The following RUNDC3A variants were observed in gnomAD, a reference collection of about 807,000 sequenced individuals.
RUNDC3A encodes the protein RUN domain containing 3A, also known as RUN domain-containing protein 3A.
In RUNDC3A, 28 loss-of-function variants were observed where a neutral mutation model predicts 53.9. The observed-to-expected ratio is 0.52, with a 90% CI of 0.38 to 0.71. The LOEUF (loss-of-function observed/expected upper bound fraction) is 0.71. Among genes scored for constraint, RUNDC3A ranks in the 30% least tolerant of loss-of-function variants. RUNDC3A has a pLI of 0.00. For missense variants in RUNDC3A, 491 were observed against 597.3 expected (o/e 0.82, Z 1.85); for synonymous variants, 232 against 249.4 (o/e 0.93, Z 0.66).
At chr17:44,310,379 C>T (rs1257509468) in intron 1 of RUNDC3A, among the ~76,000 whole-genome samples, 4 of 152,206 alleles carry the variant, frequency 2.6e-5, no homozygotes, top group African/African-American at 4.8e-5. Flanking sequence ...CTGCTGTCTA[C>T]CTGCTAGGTT....
At chr17:44,317,457 T>C (rs1402292198) in intron 10 of RUNDC3A, 1 of 780,766 alleles carries the variant, frequency 1.3e-6, no homozygotes, top group South Asian at 1.3e-5. Context: ...TGCCTGACCA[T>C]TGTTTCCCCC....
At chr17:44,313,082 C>A (rs1277516955) in intron 2 of RUNDC3A, 22 bp from the exon 3 acceptor site, 1 of 1,611,378 alleles carries the variant, frequency 6.2e-7, no homozygotes, top group East Asian at 2.2e-5. Flanking sequence ...TCTTGCTGAG[C>A]CCCCTCCCTG....
At position 44,318,448 on chromosome 17, in the gene RUNDC3A, G is replaced by A. The variant is rs1215348736; in HGVS notation, c.*210G>A. The A allele has an allele frequency of 3.3e-6, 2 of 598,048 alleles. No homozygotes were observed. The highest frequency in any genetic ancestry group is 2.2e-5 in the South Asian group (1 of 44,784). 37.0% of individuals were successfully genotyped at this position (598,048 alleles called of 1,614,324 possible). ...AGAAAGCACGCTGGGCCAGGAGGCA[G>A]GGGTGCCCAAGCCACAGGGAGCCCC... On this transcript the variant is annotated 3_prime_UTR_variant, in exon 11 of 11. Coordinates refer to ENST00000426726, the MANE Select transcript of RUNDC3A (RefSeq NM_001144825.2).
chr17:44,311,770 G>A (rs2047751716), intron 1 of RUNDC3A, among the ~76,000 whole-genome samples: 1 of 152,134 alleles, frequency 6.6e-6, no homozygotes, highest in Non-Finnish European at 1.5e-5. Flanking sequence ...TGGAGAGGGG[G>A]CACTGCATGG....
chr17:44,315,515 C>T lies in RUNDC3A; in HGVS notation c.859C>T (p.Arg287Trp). 2 of 1,518,708 alleles carry T rather than the reference C, an allele frequency of 1.3e-6. No individual in the cohort carries two copies. The highest frequency in any genetic ancestry group is 1.8e-6 in the Non-Finnish European group (2 of 1,133,794). The allele number at this position is 1,518,708 out of a possible 1,614,324, so 94.1% of individuals were successfully genotyped here. A position where few individuals can be genotyped will look rare whatever the true frequency, so the allele number is the denominator to read the frequency against. ...GCTGAAGGACCTGGAGGCGGAGAACCGGCGGCTTCAGCTGCAGCTGGAGGA... is the reference window on the plus strand; with the variant it reads ...GCTGAAGGACCTGGAGGCGGAGAACTGGCGGCTTCAGCTGCAGCTGGAGGA... ...SQLKDLEAEN[R>W]RLQLQLEEAA... The change falls in exon 8 of 11, where the codon CGG (arginine) becomes TGG (tryptophan). Residue 287 changes from arginine (R) to tryptophan (W), a missense_variant. By Grantham distance (101) the Arg-to-Trp change is moderately radical (BLOSUM62 -3). Coordinates refer to ENST00000426726, the MANE Select transcript of RUNDC3A (RefSeq NM_001144825.2). The surrounding 1 kb of genome is among the most constrained non-coding windows in gnomAD (Gnocchi z 6.1).
chr17:44,313,614 C>A, intron 4 of RUNDC3A, 111 bp downstream of exon 4: 1 of 1,459,408 alleles, frequency 6.9e-7, no homozygotes, highest in Admixed American at 2.4e-5. Context: ...GACTACAAGT[C>A]CCAGCACCAG....
chr17:44,312,595 G>A lies in RUNDC3A; in HGVS notation c.123G>A (p.Thr41=), dbSNP rs753459680. The A allele has an allele frequency of 2.5e-6, 4 of 1,571,650 alleles. No individual in the cohort carries two copies. Among genetic ancestry groups the A allele is most frequent in the South Asian group, 2.3e-5 (2 of 85,144 alleles). Residue 41 remains threonine, a synonymous_variant, in exon 2 of 11, where the codon ACG becomes ACA. Coordinates refer to ENST00000426726, the MANE Select transcript of RUNDC3A (RefSeq NM_001144825.2). ...CGCCGCCCAGGTTCTCTGTGAAAAC[G>A]CTGCTGGAGAAGTACACAGCGGAGC... ...LITVCRFSVK[T]LLEKYTAEPI... is the part of the protein sequence containing the mutation.
At position 44,316,418 on chromosome 17, in the gene RUNDC3A, G is replaced by A; in HGVS notation, c.987G>A (p.Leu329=). ...TGATCCCCAGTGACCACGCCCCTCT[G>A]GCCCAGGGTTCCAAGGAGCTCACTA... The part of the protein sequence containing the change: ...TGLIPSDHAP[L]AQGSKELTTP... Residue 329 remains leucine (L), a synonymous_variant, in exon 9 of 11, where the codon CTG becomes CTA. Coordinates refer to ENST00000426726, the MANE Select transcript of RUNDC3A (RefSeq NM_001144825.2). 1 of 1,613,726 alleles carries A rather than the reference G, an allele frequency of 6.2e-7. No individual in the cohort carries two copies. The highest frequency in any genetic ancestry group is 8.5e-7 in the Non-Finnish European group (1 of 1,179,820).
rs1157275838 is a variant in RUNDC3A at position 44,315,347 on chromosome 17, GCGGGCGGGC to G, written c.795+36_795+44del. ...TGCGCGACGCCGGCGGGCCCGGGGG[GCGGGCGGGC>G]CGGGCGGGGGATCCGGGCATCCCGG... On this transcript the variant is annotated intron_variant, in intron 7 of 10. Transcript: ENST00000426726. This position sits in a 1 kb window ranked among gnomAD's most constrained non-coding sequence, Gnocchi z 6.1. 8 of 1,337,900 alleles carry G rather than the reference GCGGGCGGGC, an allele frequency of 6.0e-6. No individual in the cohort carries two copies. Among genetic ancestry groups the G allele is most frequent in the Non-Finnish European group, 7.7e-6 (8 of 1,037,564 alleles). The allele number at this position is 1,337,900 out of a possible 1,614,324, so 82.9% of individuals were successfully genotyped here.
At chr17:44,317,012 G>A (rs1289379212) in intron 10 of RUNDC3A, 4 of 430,342 alleles carry the variant, frequency 9.3e-6, no homozygotes, top group Admixed American at 4.0e-5. Context: ...TAGTAGAGAC[G>A]CGCGGCTAAT....
At chr17:44,317,105 C>T (rs2047881859) in intron 10 of RUNDC3A, 2 of 390,330 alleles carry the variant, frequency 5.1e-6, no homozygotes, top group Admixed American at 4.1e-5. Context: ...CTTGGCCTCC[C>T]AAAGTGCTGG....
intron 4 of RUNDC3A, 97 bp downstream of exon 4, chr17:44,313,600 C>A (rs2047793350): frequency 6.7e-7 from 1 of 1,484,064 alleles, no homozygotes; most frequent in South Asian, 1.3e-5. Flanking sequence ...TCCTTCAGTT[C>A]CTGGACTACA....
chr17:44,318,449 G>T lies in RUNDC3A; in HGVS notation c.*211G>T, dbSNP rs949658387. 10 of 591,798 alleles carry T rather than the reference G, an allele frequency of 1.7e-5. No homozygotes were observed. Among genetic ancestry groups the T allele is most frequent in the Non-Finnish European group, 2.6e-5 (9 of 341,558 alleles). The allele number at this position is 591,798 out of a possible 1,614,324, so 36.7% of individuals were successfully genotyped here. A position where few individuals can be genotyped will look rare whatever the true frequency, so the allele number is the denominator to read the frequency against. ...GAAAGCACGCTGGGCCAGGAGGCAGGGGTGCCCAAGCCACAGGGAGCCCCT... is the reference window on the plus strand; with the variant it reads ...GAAAGCACGCTGGGCCAGGAGGCAGTGGTGCCCAAGCCACAGGGAGCCCCT... On this transcript the variant is annotated 3_prime_UTR_variant, in exon 11 of 11. Coordinates refer to ENST00000426726, the MANE Select transcript of RUNDC3A (RefSeq NM_001144825.2).
chr17:44,317,460 T>C (rs1409102011), intron 10 of RUNDC3A: 1 of 780,770 alleles, frequency 1.3e-6, no homozygotes, highest in African/African-American at 1.7e-5. Context: ...CTGACCATTG[T>C]TTCCCCCTTC....
Position 44,313,551 on chromosome 17 carries a change from C to T in RUNDC3A, c.458+48C>T, listed in dbSNP as rs368272215. On this transcript the variant is annotated intron_variant, in intron 4 of 10. Transcript: ENST00000426726. ...GACCACAGGTCTCAGAGTGCACCTG[C>T]ATTGCCCAAACACAGCTGATCCTTA... is the stretch of plus-strand genomic sequence containing the variant. 1.1e-4 allele frequency: 171 copies of T among 1,580,518 alleles called. No individual in the cohort carries two copies. In the African/African-American group the frequency reaches 2.2e-3, roughly 20 times the overall value.
Position 44,313,444 on chromosome 17 carries a change from G to A in RUNDC3A, c.399G>A (p.Leu133=). 1 of 1,613,930 alleles carries A rather than the reference G, an allele frequency of 6.2e-7. No individual in the cohort carries two copies. Among genetic ancestry groups the A allele is most frequent in the Non-Finnish European group, 8.5e-7 (1 of 1,179,884 alleles). Reference sequence around the variant, plus strand: ...GCCGGGCATGGATCCGGGTGGCACTGATGGAGAAGCGCATGTCAGAATACA... The same window carrying A: ...GCCGGGCATGGATCCGGGTGGCACTAATGGAGAAGCGCATGTCAGAATACA... ...AKGRAWIRVA[L]MEKRMSEYIT... The change falls in exon 4 of 11, where the codon CTG becomes CTA. Residue 133 remains leucine, a synonymous_variant. Coordinates refer to ENST00000426726, the MANE Select transcript of RUNDC3A (RefSeq NM_001144825.2).
chr17:44,308,716 T>C lies in RUNDC3A; in HGVS notation c.-117T>C. On this transcript the variant is annotated 5_prime_UTR_variant, in exon 1 of 11. The change abolishes an upstream ATG in the 5' untranslated region. Transcript: ENST00000426726. ...GGGCGCAAAGGCAGGGGGATGGCCA[T>C]GGAAGGGTTGAGGGGCCCCGTCGGA... The C allele has an allele frequency of 1.8e-6, 1 of 549,226 alleles. No individual in the cohort carries two copies. Among genetic ancestry groups the C allele is most frequent in the Non-Finnish European group, 3.0e-6 (1 of 333,984 alleles). 34.0% of individuals were successfully genotyped at this position (549,226 alleles called of 1,614,324 possible).
Position 44,308,916 on chromosome 17 carries a change from T to A in RUNDC3A, c.84T>A (p.Arg28=), listed in dbSNP as rs755659679. The change falls in exon 1 of 11, where the codon CGT becomes CGA. Residue 28 remains arginine, a synonymous_variant. Transcript: ENST00000426726. ...KASSRNVAVE[R]KNLITVCRFS... The stretch of plus-strand genomic sequence containing the variant: ...CCTCTCGCAACGTGGCTGTGGAGCG[T>A]AAGAACCTGATCACCGTGTGCAGGT... The A allele has an allele frequency of 3.7e-6, 6 of 1,606,962 alleles. No individual in the cohort carries two copies. The African/African-American group carries it at 8.1e-5, about 22-fold the overall frequency.
intron 1 of RUNDC3A, among the ~76,000 whole-genome samples, chr17:44,309,397 C>T (rs2047706182): frequency 6.6e-6 from 1 of 152,098 alleles, no homozygotes; most frequent in African/African-American, 2.4e-5. Flanking sequence ...CAGGGATGGG[C>T]AGGGTCAATT....
Sources: gnomAD v4.1 joint callset for allele counts (sites outside exome capture counted in the v4.1 genomes callset) on GRCh38, gnomAD v4.1.1 for gene constraint, Gnocchi (gnomAD v3.1) non-coding constraint, MANE v1.5 for transcripts, NCBI Gene and HGNC (gene_info 2026-07-23, HGNC 2026-07-21) for gene names.